Variants in NDC1 observed in about 807,000 individuals in gnomAD.
NDC1 encodes the protein NDC1 transmembrane nucleoporin.
Under a neutral mutation model 89.8 loss-of-function variants are expected in NDC1, and 24 were observed. That is an observed-to-expected ratio of 0.27 (90% CI 0.19 to 0.38). The LOEUF is 0.38. NDC1 is among the 10% of genes least tolerant of loss of function. The pLI is 1.00. For synonymous variants in NDC1, 296 were observed against 284.8 expected, an observed-to-expected ratio of 1.04 and a Z score of -0.39; for missense variants, 728 against 797.6, an observed-to-expected ratio of 0.91 and a Z score of 1.05.
chr1:53,835,047 C>T (rs1649185223), intron 2 of NDC1, among the ~76,000 whole-genome samples: 1 of 152,170 alleles, frequency 6.6e-6, no homozygotes, highest in East Asian at 1.9e-4. Context: ...TGAGCCACTG[C>T]ACTCAGCCTG....
At chr1:53,803,750 T>C (rs1429218273) in intron 10 of NDC1, among the ~76,000 whole-genome samples, 178 bp downstream of exon 10, 6 of 152,118 alleles carry the variant, frequency 3.9e-5, no homozygotes, top group Non-Finnish European at 2.9e-5. Flanking sequence ...TTTTTGTATC[T>C]TTAGTAGAGA....
rs544081337 is a variant in NDC1 at position 53,822,329 on chromosome 1, C to T, written c.595-3250G>A. On this transcript the variant is annotated intron_variant, in intron 5 of 17. Transcript: ENST00000371429. ...GGCCTGGGCGACAAGAGCAAAACTC[C>T]GTCTCAAAAAAAAGCCTCAAATTTT... is the stretch of plus-strand genomic sequence containing the variant. Among the ~76,000 whole-genome samples, 11 of 151,702 alleles carry T rather than the reference C, an allele frequency of 7.3e-5. No homozygotes were observed. The South Asian group carries it at 2.1e-3, about 29-fold the overall frequency.
rs1274111766 is a variant in NDC1 at position 53,765,771 on chromosome 1, A to G, written c.*2199T>C. 2.0e-5 allele frequency: 3 copies of G among 152,180 alleles called. No homozygotes were observed. The highest frequency in any genetic ancestry group is 4.4e-5 in the Non-Finnish European group (3 of 68,026). The allele number at this position is 152,180 out of a possible 1,614,324, so 9.4% of individuals were successfully genotyped here. Reference sequence around the variant, plus strand: ...CATCATGTTTTTATACTAACAGCCGAGAAAGGCTTTTAAAGAACACTCTCT... The same window carrying G: ...CATCATGTTTTTATACTAACAGCCGGGAAAGGCTTTTAAAGAACACTCTCT... On this transcript the variant is annotated 3_prime_UTR_variant, in exon 18 of 18. Transcript: ENST00000371429.
chr1:53,791,597 C>A (rs929823938), intron 14 of NDC1, among the ~76,000 whole-genome samples: 2 of 152,134 alleles, frequency 1.3e-5, no homozygotes, highest in Admixed American at 1.3e-4. Flanking sequence ...CCCAATGAAG[C>A]CTACTAAGTA....
intron 15 of NDC1, 112 bp downstream of exon 15, chr1:53,789,021 A>G (rs1382944611): frequency 1.4e-6 from 1 of 693,332 alleles, no homozygotes; most frequent in Admixed American, 3.2e-5. Flanking sequence ...ATAAAAACGA[A>G]TCTGTACATT....
intron 4 of NDC1, among the ~76,000 whole-genome samples, chr1:53,826,353 G>A (rs1181186): frequency 0.13 from 19,856 of 152,206 alleles, 2,721 homozygotes; most frequent in African/African-American, 0.35. Flanking sequence ...TACAAGAGAT[G>A]CTACTGGATT....
chr1:53,812,421 T>A (rs1275666760), intron 6 of NDC1, among the ~76,000 whole-genome samples: 12 of 152,022 alleles, frequency 7.9e-5, no homozygotes, highest in Non-Finnish European at 4.4e-5. Flanking sequence ...GAAAAAACAA[T>A]AAAAAATTCA....
At chr1:53,807,954 T>C (rs930756057) in intron 7 of NDC1, among the ~76,000 whole-genome samples, 163 bp from the exon 8 acceptor site, 10 of 152,218 alleles carry the variant, frequency 6.6e-5, no homozygotes, top group African/African-American at 2.4e-4. Flanking sequence ...AATACTTTCT[T>C]ATGAGGTACA....
intron 14 of NDC1, among the ~76,000 whole-genome samples, chr1:53,792,659 A>T (rs1647559081): frequency 6.6e-6 from 1 of 152,238 alleles, no homozygotes; most frequent in Non-Finnish European, 1.5e-5. Context: ...GGTTTTGCAC[A>T]TCAAAGGATT....
chr1:53,787,489 A>G (rs1192761528), intron 15 of NDC1, among the ~76,000 whole-genome samples: 4 of 151,762 alleles, frequency 2.6e-5, no homozygotes, highest in African/African-American at 9.7e-5. Context: ...TCTCTACAAA[A>G]TTAGCCATGT....
chr1:53,807,106 G>C (rs185048049), intron 8 of NDC1, among the ~76,000 whole-genome samples: 1 of 151,776 alleles, frequency 6.6e-6, no homozygotes, highest in African/African-American at 2.4e-5. Flanking sequence ...AATTAGCCGG[G>C]CATGGTGGCA....
At chr1:53,790,664 G>C (rs1406483134) in intron 14 of NDC1, among the ~76,000 whole-genome samples, 1 of 152,028 alleles carries the variant, frequency 6.6e-6, no homozygotes, top group African/African-American at 2.4e-5. Context: ...TCGAGATCAT[G>C]CCACTGCACT....
chr1:53,827,412 AC>A (rs1184920482), intron 4 of NDC1, among the ~76,000 whole-genome samples: 2 of 152,082 alleles, frequency 1.3e-5, no homozygotes, highest in Non-Finnish European at 2.9e-5. Flanking sequence ...AAGCAGTGGG[AC>A]TACAGGCACA....
intron 13 of NDC1, among the ~76,000 whole-genome samples, chr1:53,795,951 C>A (rs1046482197): frequency 6.6e-6 from 1 of 152,210 alleles, no homozygotes; most frequent in African/African-American, 2.4e-5. Context: ...TTATCACCCA[C>A]TTACCACTCT....
intron 6 of NDC1, among the ~76,000 whole-genome samples, chr1:53,814,598 G>A (rs977604295): frequency 2.6e-5 from 4 of 152,022 alleles, no homozygotes; most frequent in African/African-American, 9.7e-5. Context: ...ACTGAGATCA[G>A]AGCAGAACTA....
rs778811087 is a variant in NDC1, at chr1:53,828,193, C to T, written c.281-20G>A. 6.2e-7 allele frequency: 1 copy of T among 1,611,652 alleles called. No individual in the cohort carries two copies. The highest frequency in any genetic ancestry group is 1.7e-5 in the Admixed American group (1 of 59,962). ...GCACAACTGCAAAGGAAACACATTACTGTGGCTTTATAACCTACAGCATAT... is the reference window on the plus strand; with the variant it reads ...GCACAACTGCAAAGGAAACACATTATTGTGGCTTTATAACCTACAGCATAT... On this transcript the variant is annotated intron_variant, in intron 3 of 17. Transcript: ENST00000371429.
chr1:53,787,166 G>T lies in NDC1; in HGVS notation c.1792C>A (p.Leu598Met). Residue 598 changes from leucine to methionine, a missense_variant, in exon 16 of 18, where the codon CTG becomes ATG. Transcript: ENST00000371429. ...ACCCACAGATTTCTTACCTCTTGCAGTGTCAACAAAGTATTAAGGATAGCT... is the reference window on the plus strand; with the variant it reads ...ACCCACAGATTTCTTACCTCTTGCATTGTCAACAAAGTATTAAGGATAGCT... ...LPAILNTLLT[L>M]QEAVDKYFKL... The T allele has an allele frequency of 6.3e-7, 1 of 1,593,866 alleles. No homozygotes were observed. The highest frequency in any genetic ancestry group is 8.6e-7 in the Non-Finnish European group (1 of 1,166,164).
intron 16 of NDC1, among the ~76,000 whole-genome samples, chr1:53,786,398 G>C (rs1647310693): frequency 1.3e-5 from 2 of 152,140 alleles, no homozygotes; most frequent in African/African-American, 4.8e-5. Context: ...TTAAGTCTAG[G>C]ACCAAGAAAA....
chr1:53,799,112 A>C (rs1330501538), intron 11 of NDC1, among the ~76,000 whole-genome samples: 2 of 152,196 alleles, frequency 1.3e-5, no homozygotes, highest in Non-Finnish European at 2.9e-5. Context: ...AAATTCTCCA[A>C]TGGCTCCATA....
Sources: gnomAD v4.1 joint callset for allele counts (sites outside exome capture counted in the v4.1 genomes callset) on GRCh38, gnomAD v4.1.1 for gene constraint, MANE v1.5 for transcripts, NCBI Gene and HGNC (gene_info 2026-07-23, HGNC 2026-07-21) for gene names.